Variants in LYPLAL1 observed in about 807,000 individuals in gnomAD.
The protein encoded by LYPLAL1 is lysophospholipase like 1.
In LYPLAL1, 23 loss-of-function variants were observed where a neutral mutation model predicts 19.7. The observed-to-expected ratio is 1.17, with a 90% CI of 0.84 to 1.65. The LOEUF (loss-of-function observed/expected upper bound fraction) is 1.65. Ranked by LOEUF, LYPLAL1 falls within the 40% of genes most tolerant of loss-of-function variation. The probability of loss-of-function intolerance (pLI) is 0.00; values close to 1 mark genes in which losing one functional copy is unlikely to be tolerated. For missense variants in LYPLAL1, 355 were observed against 279.4 expected, an observed-to-expected ratio of 1.27 and a Z score of -1.93; for synonymous variants, 119 against 96.3, an observed-to-expected ratio of 1.24 and a Z score of -1.38.
the LYPLAL1 span, among the ~76,000 whole-genome samples, chr1:219,427,620 G>A: frequency 1.0e-3 from 158 of 152,332 alleles, 4 homozygotes; most frequent in South Asian, 0.032. Context: ...AACTGCCAGT[G>A]TTAGAGAGGC....
the LYPLAL1 span, among the ~76,000 whole-genome samples, chr1:219,315,401 GA>G: frequency 1.3e-3 from 190 of 150,716 alleles, 1 homozygote; most frequent in Non-Finnish European, 1.0e-3. Context: ...CTGTTTCTAA[GA>G]AAAAAAAACT....
intron 3 of LYPLAL1, among the ~76,000 whole-genome samples, chr1:219,209,695 C>G (rs972922569): frequency 3.3e-5 from 5 of 152,080 alleles, no homozygotes; most frequent in Non-Finnish European, 7.4e-5. Context: ...TTAGCTTTCT[C>G]TCAAGCTTAG....
At chr1:219,442,734 T>G in the LYPLAL1 span, 4 of 152,268 alleles carry the variant, frequency 2.6e-5, no homozygotes, top group African/African-American at 7.2e-5. Flanking sequence ...GGGAAGGAGC[T>G]CTGTGTCATA....
At chr1:219,399,504 G>T in the LYPLAL1 span, among the ~76,000 whole-genome samples, 2 of 152,182 alleles carry the variant, frequency 1.3e-5, no homozygotes, top group African/African-American at 2.4e-5. Context: ...GTGGAGCAAG[G>T]AAGGCAAAAT....
chr1:219,241,134 C>CTCTCTATATATATATATATATATATATA, the LYPLAL1 span, among the ~76,000 whole-genome samples: 1 of 44,366 alleles, frequency 2.3e-5, no homozygotes, highest in Non-Finnish European at 4.3e-5. Context: ...CTCTCTCTCT[C>CTCTCTATATATATATATATATATATATA]TATATATATA....
chr1:219,187,118 A>G (rs1288509277), intron 2 of LYPLAL1, among the ~76,000 whole-genome samples: 2 of 151,454 alleles, frequency 1.3e-5, no homozygotes, highest in Non-Finnish European at 3.0e-5. Flanking sequence ...TTGTCTGCAT[A>G]CATTGAAAAC....
chr1:219,420,665 T>C, the LYPLAL1 span, among the ~76,000 whole-genome samples: 1 of 152,190 alleles, frequency 6.6e-6, no homozygotes, highest in Admixed American at 6.6e-5. Context: ...TGAGTGGATT[T>C]GTCATTTGTA....
the LYPLAL1 span, among the ~76,000 whole-genome samples, chr1:219,348,329 C>T: frequency 3.3e-5 from 5 of 152,146 alleles, no homozygotes; most frequent in African/African-American, 7.2e-5. Context: ...GTGAGAACAC[C>T]GGCCAACGTG....
the LYPLAL1 span, among the ~76,000 whole-genome samples, chr1:219,379,901 C>T: frequency 7.2e-5 from 11 of 152,294 alleles, no homozygotes; most frequent in African/African-American, 2.2e-4. Context: ...AACATGCCCA[C>T]GGGCACAAGG....
the LYPLAL1 span, among the ~76,000 whole-genome samples, chr1:219,415,153 C>G: frequency 6.6e-6 from 1 of 152,190 alleles, no homozygotes; most frequent in Non-Finnish European, 1.5e-5. Context: ...AGTCTTTTAT[C>G]TGTCACCACT....
chr1:219,431,353 G>A, the LYPLAL1 span, among the ~76,000 whole-genome samples: 1 of 152,166 alleles, frequency 6.6e-6, no homozygotes, highest in Non-Finnish European at 1.5e-5. Flanking sequence ...CACCGATTTG[G>A]ATGAATACAA....
chr1:219,402,837 G>GA, the LYPLAL1 span, among the ~76,000 whole-genome samples: 15 of 152,160 alleles, frequency 9.9e-5, no homozygotes, highest in South Asian at 1.2e-3. Context: ...AAGGTAGAGA[G>GA]AAAAAACCTA....
chr1:219,377,386 A>G, the LYPLAL1 span, among the ~76,000 whole-genome samples: 1 of 152,188 alleles, frequency 6.6e-6, no homozygotes, highest in Non-Finnish European at 1.5e-5. Flanking sequence ...CAGTTTGAGA[A>G]GATAAAAATC....
the LYPLAL1 span, among the ~76,000 whole-genome samples, chr1:219,292,898 C>G: frequency 6.6e-6 from 1 of 152,156 alleles, no homozygotes; most frequent in African/African-American, 2.4e-5. Context: ...TAGGAGACAT[C>G]CATTCTTACC....
At chr1:219,263,643 T>G in the LYPLAL1 span, among the ~76,000 whole-genome samples, 2 of 152,140 alleles carry the variant, frequency 1.3e-5, no homozygotes, top group Non-Finnish European at 2.9e-5. Flanking sequence ...CAAGGACCCC[T>G]GTGAGATAGA....
chr1:219,421,273 G>T, the LYPLAL1 span, among the ~76,000 whole-genome samples: 1 of 152,116 alleles, frequency 6.6e-6, no homozygotes, highest in African/African-American at 2.4e-5. Context: ...AATACAAAAT[G>T]AATTTTTAGC....
chr1:219,234,084 AT>A, the LYPLAL1 span, among the ~76,000 whole-genome samples: 1 of 152,194 alleles, frequency 6.6e-6, no homozygotes, highest in Non-Finnish European at 1.5e-5. Flanking sequence ...GGCCAAGTTC[AT>A]TAAACATCCT....
chr1:219,311,697 A>G, the LYPLAL1 span, among the ~76,000 whole-genome samples: 1 of 152,212 alleles, frequency 6.6e-6, no homozygotes, highest in African/African-American at 2.4e-5. Flanking sequence ...AAAGAAATGC[A>G]TCATGATTAT....
the LYPLAL1 span, among the ~76,000 whole-genome samples, chr1:219,320,063 A>G: frequency 6.6e-6 from 1 of 152,242 alleles, no homozygotes; most frequent in Non-Finnish European, 1.5e-5. Context: ...ACAACACAAT[A>G]CGCAAGACAG....
Sources: allele counts gnomAD v4.1 joint callset (sites outside exome capture counted in the v4.1 genomes callset), GRCh38; gene constraint gnomAD v4.1.1; transcripts MANE v1.5; gene names NCBI Gene and HGNC (gene_info 2026-07-23, HGNC 2026-07-21).